Variants in BNC2 observed in about 807,000 individuals in gnomAD.
BNC2 encodes the protein basonuclin zinc finger protein 2.
A neutral mutation model predicts 76.3 loss-of-function variants in BNC2; 20 were observed. The observed-to-expected ratio is 0.26, with a 90% CI of 0.18 to 0.38. The LOEUF is 0.38. Among genes scored for constraint, BNC2 ranks in the 10% least tolerant of loss-of-function variants. The pLI, the probability that BNC2 is intolerant of heterozygous loss-of-function variation, is 1.00. For synonymous variants in BNC2, 582 were observed against 514.8 expected (o/e 1.13, Z -1.77); for missense variants, 1,382 against 1,399.8 (o/e 0.99, Z 0.20).
intron 3 of BNC2, among the ~76,000 whole-genome samples, chr9:16,656,017 T>G (rs145276166): frequency 1.3e-5 from 2 of 152,164 alleles, no homozygotes. Flanking sequence ...TAGGGGAGGT[T>G]TGTCACCCAG....
chr9:16,718,346 T>C (rs138242336), intron 3 of BNC2, among the ~76,000 whole-genome samples: 3 of 152,262 alleles, frequency 2.0e-5, no homozygotes, highest in East Asian at 1.9e-4. Flanking sequence ...TACATTATAA[T>C]AGATGACAAA....
At chr9:16,771,127 C>CTACT (rs1464114382) in intron 1 of BNC2, among the ~76,000 whole-genome samples, 2 of 152,170 alleles carry the variant, frequency 1.3e-5, no homozygotes, top group Non-Finnish European at 2.9e-5. Flanking sequence ...CAAGATCACA[C>CTACT]TACTGCTCTC....
intron 4 of BNC2, among the ~76,000 whole-genome samples, chr9:16,558,997 T>C (rs1294247411): frequency 6.6e-6 from 1 of 152,034 alleles, no homozygotes; most frequent in Non-Finnish European, 1.5e-5. Context: ...GTATGTTAGT[T>C]CCAGGCTGAA....
chr9:16,563,137 A>T (rs1444594146), intron 4 of BNC2, among the ~76,000 whole-genome samples: 1 of 152,218 alleles, frequency 6.6e-6, no homozygotes. Context: ...GGATTTGCAA[A>T]TTAGGCTACC....
chr9:16,581,147 A>G (rs975218189), intron 4 of BNC2, among the ~76,000 whole-genome samples: 1 of 152,198 alleles, frequency 6.6e-6, no homozygotes, highest in African/African-American at 2.4e-5. Flanking sequence ...ACTACCTCAG[A>G]ATGTGACTAT....
chr9:16,631,938 G>A (rs1286224694), intron 3 of BNC2, among the ~76,000 whole-genome samples: 1 of 152,180 alleles, frequency 6.6e-6, no homozygotes, highest in African/African-American at 2.4e-5. Flanking sequence ...AATGTTCCAC[G>A]ATAGGAAATA....
chr9:16,832,474 G>C (rs1818598955), intron 1 of BNC2: 1 of 180,780 alleles, frequency 5.5e-6, no homozygotes, highest in Non-Finnish European at 1.1e-5. Flanking sequence ...GTAGGCAATA[G>C]ATGACATTAA....
At position 16,577,633 on chromosome 9, in the gene BNC2, G is replaced by GA. The variant is rs533974979; in HGVS notation, c.433+5349dup. ...AGGAGTTTGGAGAAAATATAGGCAG[G>GA]AAAAAAGCTGGCTTAATTAGTAAAT... is the stretch of plus-strand genomic sequence containing the variant. On this transcript the variant is annotated intron_variant, in intron 4 of 6. Transcript: ENST00000380672. Among the ~76,000 whole-genome samples, 4 of 152,056 alleles carry GA rather than the reference G, an allele frequency of 2.6e-5. No homozygotes were observed. In the South Asian group the frequency reaches 8.3e-4, roughly 32 times the overall value.
chr9:16,596,021 G>A (rs912806541), intron 3 of BNC2, among the ~76,000 whole-genome samples: 1 of 152,064 alleles, frequency 6.6e-6, no homozygotes, highest in Admixed American at 6.6e-5. Flanking sequence ...GGTCCATTGG[G>A]TCAATAATCC....
rs1446146002 is a variant in BNC2 at position 16,598,283 on chromosome 9, G to T, written c.331-15198C>A. On this transcript the variant is annotated intron_variant, in intron 3 of 6. Transcript: ENST00000380672. ...AAATAAAAGCAGATAAAGCTTTTAA[G>T]TGGACATAACTTTTGTAAAATTATG... Among the ~76,000 whole-genome samples the T allele has an allele frequency of 2.6e-5, 4 of 152,270 alleles. No homozygotes were observed. In the South Asian group the frequency reaches 8.3e-4, roughly 32 times the overall value.
intron 5 of BNC2, among the ~76,000 whole-genome samples, chr9:16,456,515 A>G (rs1396993157): frequency 1.4e-5 from 2 of 141,886 alleles, no homozygotes; most frequent in Non-Finnish European, 3.0e-5. Flanking sequence ...TGGGAGACAG[A>G]GCAAGACTCC....
At chr9:16,584,992 G>A (rs140105198) in intron 3 of BNC2, among the ~76,000 whole-genome samples, 4 of 152,080 alleles carry the variant, frequency 2.6e-5, no homozygotes, top group South Asian at 2.1e-4. Flanking sequence ...CTGCTTTACC[G>A]AAATCAAGGG....
chr9:16,515,699 G>C (rs1822860930), intron 5 of BNC2, among the ~76,000 whole-genome samples: 1 of 130,856 alleles, frequency 7.6e-6, no homozygotes, highest in Non-Finnish European at 1.6e-5. Context: ...TCACTGCCCA[G>C]AGAAAAAGGT....
intron 3 of BNC2, among the ~76,000 whole-genome samples, chr9:16,717,493 A>T (rs1250472519): frequency 6.6e-6 from 1 of 152,224 alleles, no homozygotes. Context: ...ATTTTATGAA[A>T]TACACAATTC....
At chr9:16,746,755 G>A (rs915117552) in intron 1 of BNC2, among the ~76,000 whole-genome samples, 1 of 151,504 alleles carries the variant, frequency 6.6e-6, no homozygotes, top group African/African-American at 2.4e-5. Context: ...GAGGTCAGGA[G>A]ATCGAGACCA....
At chr9:16,470,374 C>T (rs1821797053) in intron 5 of BNC2, among the ~76,000 whole-genome samples, 2 of 152,194 alleles carry the variant, frequency 1.3e-5, no homozygotes, top group South Asian at 4.1e-4. Flanking sequence ...GAAAAGAAAA[C>T]CCCATTTTCT....
chr9:16,692,858 C>T (rs1022971717), intron 3 of BNC2, among the ~76,000 whole-genome samples: 40 of 151,700 alleles, frequency 2.6e-4, no homozygotes, highest in African/African-American at 2.4e-4. Context: ...TGCTGGGCGT[C>T]GTGGCTCATG....
chr9:16,860,105 G>C (rs1170957536), intron 1 of BNC2, among the ~76,000 whole-genome samples: 1 of 151,072 alleles, frequency 6.6e-6, no homozygotes, highest in Admixed American at 6.6e-5. Context: ...ATGGACGACA[G>C]AGTGAGACTC....
chr9:16,824,473 T>C (rs1240269442), intron 1 of BNC2, among the ~76,000 whole-genome samples: 2 of 152,184 alleles, frequency 1.3e-5, no homozygotes, highest in Non-Finnish European at 2.9e-5. Context: ...GGAAAGGCAC[T>C]TGCCTGTCCT....
Sources: gnomAD v4.1 joint callset for allele counts (sites outside exome capture counted in the v4.1 genomes callset) on GRCh38, gnomAD v4.1.1 for gene constraint, MANE v1.5 for transcripts, NCBI Gene and HGNC (gene_info 2026-07-23, HGNC 2026-07-21) for gene names.